The following ELMO1 variants were observed in gnomAD, a reference collection of about 807,000 sequenced individuals.
The protein encoded by ELMO1 is engulfment and cell motility 1.
In ELMO1, 26 loss-of-function variants were observed where a neutral mutation model predicts 98.9. The observed-to-expected ratio is 0.26, with a 90% CI of 0.19 to 0.36. The LOEUF is 0.36. ELMO1 is among the 10% of genes least tolerant of loss of function. The pLI is 1.00. For synonymous variants in ELMO1, 346 were observed against 346.0 expected, an observed-to-expected ratio of 1.00 and a Z score of 0.00; for missense variants, 627 against 935.2, an observed-to-expected ratio of 0.67 and a Z score of 4.30.
At chr7:36,893,256 G>A (rs1805711685) in intron 17 of ELMO1, among the ~76,000 whole-genome samples, 1 of 152,154 alleles carries the variant, frequency 6.6e-6, no homozygotes, top group African/African-American at 2.4e-5. Context: ...GCCCTGGGAT[G>A]GGGCAAGGAG....
At chr7:37,147,893 A>G (rs6942887) in intron 13 of ELMO1, among the ~76,000 whole-genome samples, 127,241 of 151,728 alleles carry the variant, frequency 0.84, 54,112 homozygotes, top group Non-Finnish European at 0.91. Context: ...TGTGAGGTGC[A>G]GTGATTAACT....
At chr7:37,384,537 G>A (rs11773067) in intron 1 of ELMO1, among the ~76,000 whole-genome samples, 52,019 of 151,794 alleles carry the variant, frequency 0.34, 9,463 homozygotes, top group South Asian at 0.46. Context: ...TGGCTAACAA[G>A]GTGAAACCCC....
chr7:37,385,518 C>T (rs1802763481), intron 1 of ELMO1, among the ~76,000 whole-genome samples: 1 of 152,206 alleles, frequency 6.6e-6, no homozygotes, highest in Non-Finnish European at 1.5e-5. Flanking sequence ...TAAAATGGTG[C>T]TCTCTGTCCT....
chr7:36,868,244 T>C (rs73114282), intron 20 of ELMO1, among the ~76,000 whole-genome samples: 11,928 of 152,286 alleles, frequency 0.078, 647 homozygotes, highest in Middle Eastern at 0.14. Flanking sequence ...CATCTGACTT[T>C]CCACATTCCA....
intron 16 of ELMO1, among the ~76,000 whole-genome samples, chr7:36,966,503 A>G (rs1158509970): frequency 1.3e-5 from 2 of 152,198 alleles, no homozygotes; most frequent in African/African-American, 4.8e-5. Context: ...AAGAGAAAAC[A>G]CCAATCTACG....
At chr7:37,164,151 T>C (rs2129637038) in intron 13 of ELMO1, among the ~76,000 whole-genome samples, 1 of 152,338 alleles carries the variant, frequency 6.6e-6, no homozygotes, top group South Asian at 2.1e-4. Flanking sequence ...GAGAAGTGTC[T>C]GTTCATATCC....
intron 1 of ELMO1, among the ~76,000 whole-genome samples, chr7:37,428,770 C>T (rs1185313869): frequency 4.6e-5 from 7 of 152,234 alleles, no homozygotes; most frequent in Admixed American, 1.3e-4. Flanking sequence ...GAAAAACATA[C>T]GATGTATAGT....
chr7:37,005,622 G>A (rs547115250), intron 16 of ELMO1, among the ~76,000 whole-genome samples: 13 of 146,982 alleles, frequency 8.8e-5, no homozygotes, highest in Non-Finnish European at 1.5e-4. Flanking sequence ...AATTCAGGAT[G>A]CAGAGGTTGC....
At chr7:37,177,577 T>TTTTC (rs1424059348) in intron 13 of ELMO1, among the ~76,000 whole-genome samples, 1 of 152,226 alleles carries the variant, frequency 6.6e-6, no homozygotes, top group East Asian at 1.9e-4. Flanking sequence ...TTTGTATTTG[T>TTTTC]TTTCCTCTGT....
chr7:37,354,928 A>T (rs1174016742), intron 1 of ELMO1, among the ~76,000 whole-genome samples: 1 of 152,236 alleles, frequency 6.6e-6, no homozygotes, highest in East Asian at 1.9e-4. Flanking sequence ...TACCACCCCT[A>T]GAACATTTGA....
rs561192881 is a variant in ELMO1, at chr7:37,061,637, A to G, written c.1300+34982T>C. ...AGGAGGGGACACGTAAGCAGCCAAT[A>G]AAAGAATCAAGTCATTTAGCAATGG... On this transcript the variant is annotated intron_variant, in intron 15 of 21. Coordinates refer to ENST00000310758, the MANE Select transcript of ELMO1 (RefSeq NM_014800.11). 7.2e-5 allele frequency among the ~76,000 whole-genome samples: 11 copies of G among 152,316 alleles called. No homozygotes were observed. The South Asian group carries it at 2.3e-3, about 32-fold the overall frequency.
intron 15 of ELMO1, among the ~76,000 whole-genome samples, chr7:37,088,038 A>T (rs1783879004): frequency 6.6e-6 from 1 of 152,180 alleles, no homozygotes; most frequent in African/African-American, 2.4e-5. Context: ...GTGCCTTTCA[A>T]CAGGTCTGTA....
chr7:37,290,971 T>C (rs1015127843), intron 4 of ELMO1, among the ~76,000 whole-genome samples: 2 of 152,156 alleles, frequency 1.3e-5, no homozygotes, highest in African/African-American at 4.8e-5. Context: ...GCACAGACAT[T>C]CACTCTACTA....
intron 16 of ELMO1, among the ~76,000 whole-genome samples, chr7:36,971,751 A>G (rs1257065538): frequency 6.6e-6 from 1 of 152,234 alleles, no homozygotes; most frequent in African/African-American, 2.4e-5. Context: ...GAGTTAATCC[A>G]TAATCTCGAG....
rs73342241 is a variant in ELMO1 at position 36,958,961 on chromosome 7, T to C, written c.1437+54338A>G. Among the ~76,000 whole-genome samples the C allele has an allele frequency of 5.6e-3, 845 of 152,224 alleles. 6 individuals carry two copies. Among genetic ancestry groups the C allele is most frequent in the African/African-American group, 0.019 (789 of 41,532 alleles). Reference sequence around the variant, plus strand: ...TCCACTGCTTTCTCTATATCTGCACTTGGGTGTCTATCCGGGCATCTCACA... The same window carrying C: ...TCCACTGCTTTCTCTATATCTGCACCTGGGTGTCTATCCGGGCATCTCACA... On this transcript the variant is annotated intron_variant, in intron 16 of 21. Coordinates refer to ENST00000310758, the MANE Select transcript of ELMO1 (RefSeq NM_014800.11).
At chr7:36,919,660 A>G (rs2129073250) in intron 16 of ELMO1, among the ~76,000 whole-genome samples, 2 of 152,284 alleles carry the variant, frequency 1.3e-5, no homozygotes, top group African/African-American at 4.8e-5. Context: ...CTGCACACTC[A>G]GTATCAAGTA....
intron 7 of ELMO1, among the ~76,000 whole-genome samples, chr7:37,239,406 C>T (rs371970248): frequency 2.0e-5 from 3 of 152,180 alleles, no homozygotes; most frequent in Non-Finnish European, 4.4e-5. Context: ...ACCTCGTGAT[C>T]CACCTGCCTT....
At chr7:37,321,540 AC>A (rs1799494314) in intron 2 of ELMO1, among the ~76,000 whole-genome samples, 1 of 150,936 alleles carries the variant, frequency 6.6e-6, no homozygotes, top group Non-Finnish European at 1.5e-5. Context: ...ACACGTTGAA[AC>A]CCCGTCTCTA....
chr7:37,448,878 G>GC (rs1281114042), upstream of ELMO1: 1 of 153,150 alleles, frequency 6.5e-6, no homozygotes, highest in Non-Finnish European at 1.5e-5. Flanking sequence ...TCGGCCGGCT[G>GC]CTGCACCGCC....
Sources: allele counts gnomAD v4.1 joint callset (sites outside exome capture counted in the v4.1 genomes callset), GRCh38; gene constraint gnomAD v4.1.1; transcripts MANE v1.5; gene names NCBI Gene and HGNC (gene_info 2026-07-23, HGNC 2026-07-21).